LUZP2: variants seen among roughly 807,000 people sequenced by gnomAD.
The protein encoded by LUZP2 is leucine zipper protein 2.
LUZP2 carries 52 observed loss-of-function variants against 51.6 expected under a neutral mutation model. The ratio of observed to expected loss-of-function variants is 1.01; its 90% confidence interval spans 0.81 to 1.27. The LOEUF (loss-of-function observed/expected upper bound fraction) is 1.27. LUZP2 is among the 50% of genes most tolerant of loss of function. The pLI is 0.00. For missense variants in LUZP2, 436 were observed against 395.4 expected, an observed-to-expected ratio of 1.10 and a Z score of -0.87; for synonymous variants, 154 against 137.3, an observed-to-expected ratio of 1.12 and a Z score of -0.85.
At chr11:24,735,727 G>A (rs2631428) in intron 3 of LUZP2, among the ~76,000 whole-genome samples, 70,106 of 151,698 alleles carry the variant, frequency 0.46, 18,052 homozygotes, top group African/African-American at 0.68. Flanking sequence ...ATGTTATGCT[G>A]AAATATTTCA....
chr11:24,910,900 G>A (rs1853611648), intron 6 of LUZP2, among the ~76,000 whole-genome samples: 1 of 152,072 alleles, frequency 6.6e-6, no homozygotes, highest in Admixed American at 6.5e-5. Context: ...GGCACTCAAT[G>A]CTAGCCCATG....
chr11:25,017,322 G>C (rs946759971), intron 9 of LUZP2, among the ~76,000 whole-genome samples: 10 of 151,992 alleles, frequency 6.6e-5, no homozygotes, highest in Admixed American at 5.2e-4. Context: ...TCCCTTTGGG[G>C]ACTTAGTCAT....
intron 9 of LUZP2, among the ~76,000 whole-genome samples, chr11:25,030,322 A>C (rs1053942426): frequency 3.5e-4 from 54 of 152,152 alleles, no homozygotes; most frequent in Admixed American, 3.5e-3. Context: ...ATAATACTGT[A>C]ATTTATTTCT....
At chr11:24,998,636 C>T (rs1014999610) in intron 9 of LUZP2, among the ~76,000 whole-genome samples, 1 of 152,104 alleles carries the variant, frequency 6.6e-6, no homozygotes, top group South Asian at 2.1e-4. Context: ...TCTGCTTAAT[C>T]CTCTACTTTC....
intron 1 of LUZP2, among the ~76,000 whole-genome samples, chr11:24,675,647 G>C (rs1856517997): frequency 6.6e-6 from 1 of 151,940 alleles, no homozygotes; most frequent in Non-Finnish European, 1.5e-5. Flanking sequence ...TAATACTCTA[G>C]TGAACATCAG....
At position 24,586,690 on chromosome 11, in the gene LUZP2, G is replaced by A. The variant is rs1050939510; in HGVS notation, c.62+89385G>A. On this transcript the variant is annotated intron_variant, in intron 1 of 11. Transcript: ENST00000336930. ...CATTTTGAATTAGATGGAAAACTGTGAATGGTACAAGCAAGATGCCTTTAG... is the reference window on the plus strand; with the variant it reads ...CATTTTGAATTAGATGGAAAACTGTAAATGGTACAAGCAAGATGCCTTTAG... Among the ~76,000 whole-genome samples, 5 of 152,054 alleles carry A rather than the reference G, an allele frequency of 3.3e-5. No individual in the cohort carries two copies. In the East Asian group the frequency reaches 9.6e-4, roughly 29 times the overall value.
chr11:24,841,358 C>A (rs958517815), intron 5 of LUZP2, among the ~76,000 whole-genome samples: 4 of 152,066 alleles, frequency 2.6e-5, no homozygotes, highest in Non-Finnish European at 5.9e-5. Flanking sequence ...ACTTTTCAGT[C>A]TCCAGAAAAT....
At chr11:24,699,202 A>C (rs930482579) in intron 1 of LUZP2, among the ~76,000 whole-genome samples, 2 of 151,574 alleles carry the variant, frequency 1.3e-5, no homozygotes, top group Admixed American at 1.3e-4. Context: ...GATTTCTATA[A>C]AGCATCAGTG....
chr11:25,049,463 C>T (rs988962), intron 9 of LUZP2, among the ~76,000 whole-genome samples: 150,760 of 152,252 alleles, frequency 0.99, 74,663 homozygotes, highest in Middle Eastern at 1. Context: ...CTTTTCTTTT[C>T]TTTATTCTCT....
At chr11:24,881,757 C>T (rs542141151) in intron 5 of LUZP2, among the ~76,000 whole-genome samples, 1 of 151,924 alleles carries the variant, frequency 6.6e-6, no homozygotes, top group South Asian at 2.1e-4. Context: ...AATATTTTTA[C>T]AAGTGTAATA....
Position 24,611,083 on chromosome 11 carries a change from G to C in LUZP2, c.62+113778G>C, listed in dbSNP as rs1247744678. The stretch of plus-strand genomic sequence containing the variant: ...TTTTTTTATTTTTATTTTTTGTTTT[G>C]TTTTGTTTTGTTTTGGCTATCCGAA... On this transcript the variant is annotated intron_variant, in intron 1 of 11. Transcript: ENST00000336930. The surrounding 1 kb of genome is among the most constrained non-coding windows in gnomAD (Gnocchi z 4.6). 1.3e-5 allele frequency among the ~76,000 whole-genome samples: 2 copies of C among 150,436 alleles called. No homozygotes were observed. The highest frequency in any genetic ancestry group is 1.3e-4 in the Admixed American group (2 of 15,138).
intron 9 of LUZP2, among the ~76,000 whole-genome samples, chr11:25,030,959 TAC>T (rs1857650129): frequency 2.3e-4 from 1 of 4,430 alleles, no homozygotes; most frequent in Non-Finnish European, 3.2e-4. Flanking sequence ...ATATATATAA[TAC>T]AATATATATT....
In LUZP2 at chr11:24,557,143, A is replaced by G. The variant is rs1851893351; in HGVS notation, c.62+59838A>G. On this transcript the variant is annotated intron_variant, in intron 1 of 11. Transcript: ENST00000336930. ...AATAGCACATTGACTCCATTGTGTT[A>G]TAGCTGATGACTTGTCTTTATTTGC... Among the ~76,000 whole-genome samples the G allele has an allele frequency of 2.0e-5, 3 of 150,986 alleles. No individual in the cohort carries two copies. The South Asian group carries it at 6.2e-4, about 31-fold the overall frequency.
At chr11:24,857,314 C>CATACATATATATATATACATATATAT (rs1565000657) in intron 5 of LUZP2, among the ~76,000 whole-genome samples, 1 of 10,056 alleles carries the variant, frequency 9.9e-5, no homozygotes, top group Non-Finnish European at 2.5e-4. Flanking sequence ...CATATATATA[C>CATACATATATATATATACATATATAT]ACACACACAC....
At chr11:24,560,686 C>G (rs967857512) in intron 1 of LUZP2, among the ~76,000 whole-genome samples, 4 of 152,086 alleles carry the variant, frequency 2.6e-5, no homozygotes, top group Non-Finnish European at 5.9e-5. Context: ...GATTCTGGAA[C>G]AGGTATAATT....
intron 7 of LUZP2, among the ~76,000 whole-genome samples, chr11:24,975,154 A>G (rs1446200): frequency 0.37 from 56,548 of 151,884 alleles, 12,722 homozygotes; most frequent in East Asian, 0.72. Context: ...ATCTGATTTT[A>G]TATATGTATA....
chr11:24,691,345 G>A (rs575233276), intron 1 of LUZP2, among the ~76,000 whole-genome samples: 1 of 152,008 alleles, frequency 6.6e-6, no homozygotes, highest in Non-Finnish European at 1.5e-5. Context: ...AAAAATAGTG[G>A]TATATTAGGT....
In LUZP2 at chr11:24,865,038, TG is replaced by T. The variant is rs550738947; in HGVS notation, c.397-40952del. The stretch of plus-strand genomic sequence containing the variant: ...TCCTCTTATTCTACGTTTATTACTG[TG>T]AAGTATTGATGCTGGCAGACATGGT... On this transcript the variant is annotated intron_variant, in intron 5 of 11. Coordinates refer to ENST00000336930, the MANE Select transcript of LUZP2 (RefSeq NM_001009909.4). 7.2e-5 allele frequency among the ~76,000 whole-genome samples: 11 copies of T among 152,322 alleles called. No individual in the cohort carries two copies. The East Asian group carries it at 2.1e-3, about 29-fold the overall frequency.
At chr11:24,922,673 G>C (rs1347563289) in intron 7 of LUZP2, among the ~76,000 whole-genome samples, 1 of 151,988 alleles carries the variant, frequency 6.6e-6, no homozygotes, top group East Asian at 1.9e-4. Flanking sequence ...GAAGCTGTAA[G>C]CTTGTCAAAT....
Sources: gnomAD v4.1 joint callset for allele counts (sites outside exome capture counted in the v4.1 genomes callset) on GRCh38, gnomAD v4.1.1 for gene constraint, Gnocchi (gnomAD v3.1) non-coding constraint, MANE v1.5 for transcripts, NCBI Gene and HGNC (gene_info 2026-07-23, HGNC 2026-07-21) for gene names.